The following SEMA3E variants were observed in gnomAD, a reference collection of about 807,000 sequenced individuals.
The protein encoded by SEMA3E is semaphorin 3E, also known as semaphorin-3E.
Under a neutral mutation model 93.6 loss-of-function variants are expected in SEMA3E, and 49 were observed. The ratio of observed to expected loss-of-function variants is 0.52; its 90% CI spans 0.42 to 0.66. The LOEUF (loss-of-function observed/expected upper bound fraction) is 0.66. SEMA3E is among the 30% of genes least tolerant of loss of function. SEMA3E has a pLI of 0.00. For synonymous variants in SEMA3E, 363 were observed against 330.7 expected (o/e 1.10, Z -1.06); for missense variants, 906 against 964.8 (o/e 0.94, Z 0.81).
At chr7:83,395,633 A>G (rs1788104796) in intron 12 of SEMA3E, among the ~76,000 whole-genome samples, 1 of 152,076 alleles carries the variant, frequency 6.6e-6, no homozygotes, top group African/African-American at 2.4e-5. Context: ...TTTTTCATGG[A>G]CTATGTAGTG....
At chr7:83,401,815 T>C (rs1206999007) in intron 10 of SEMA3E, among the ~76,000 whole-genome samples, 1 of 152,056 alleles carries the variant, frequency 6.6e-6, no homozygotes, top group Non-Finnish European at 1.5e-5. Flanking sequence ...AAAGTATAGA[T>C]GTTGACTTGT....
chr7:83,379,630 A>T (rs1787739340), intron 16 of SEMA3E, among the ~76,000 whole-genome samples: 1 of 151,748 alleles, frequency 6.6e-6, no homozygotes, highest in African/African-American at 2.4e-5. Context: ...ATCACTCTCT[A>T]AGGTAAGCTA....
At chr7:83,385,806 A>T (rs1323922886) in intron 15 of SEMA3E, among the ~76,000 whole-genome samples, 1 of 152,184 alleles carries the variant, frequency 6.6e-6, no homozygotes, top group Admixed American at 6.6e-5. Flanking sequence ...ACAAAAGCAG[A>T]CACCAGAAAT....
chr7:83,452,151 G>A (rs1386136912), intron 4 of SEMA3E, among the ~76,000 whole-genome samples: 1 of 151,710 alleles, frequency 6.6e-6, no homozygotes, highest in Non-Finnish European at 1.5e-5. Context: ...GTGTGTGTCT[G>A]TGTGTGTGTG....
chr7:83,580,730 C>T (rs1023621147), intron 1 of SEMA3E, among the ~76,000 whole-genome samples: 9 of 151,804 alleles, frequency 5.9e-5, no homozygotes, highest in African/African-American at 1.2e-4. Context: ...GCCATTGAAC[C>T]GTAACTGTCA....
intron 2 of SEMA3E, among the ~76,000 whole-genome samples, chr7:83,476,736 T>C (rs1233270277): frequency 1.3e-5 from 2 of 152,186 alleles, no homozygotes; most frequent in African/African-American, 4.8e-5. Context: ...GCCTTTTGGT[T>C]CTGCTCCAGA....
rs186951076 is a variant in SEMA3E, at chr7:83,477,393, A to G, written c.277-8091T>C. Among the ~76,000 whole-genome samples, 218 of 152,220 alleles carry G rather than the reference A, an allele frequency of 1.4e-3. 3 individuals are homozygous for G. The highest frequency in any genetic ancestry group is 2.4e-3 in the Non-Finnish European group (163 of 67,970). On this transcript the variant is annotated intron_variant, in intron 2 of 16. Transcript: ENST00000643230. ...TGTACATCTTAATTATAGATCCTAT[A>G]AATATTATTAAAAACAAGAAAATAT... is the stretch of plus-strand genomic sequence containing the variant.
chr7:83,365,913 T>G lies in SEMA3E; in HGVS notation c.*1673A>C, dbSNP rs1794659941. The G allele has an allele frequency of 6.6e-6, 1 of 152,156 alleles. No homozygotes were observed. 9.4% of individuals were successfully genotyped at this position (152,156 alleles called of 1,614,324 possible). On this transcript the variant is annotated 3_prime_UTR_variant, in exon 17 of 17. Transcript: ENST00000643230. ...TTTAAAAATACATTTCACTACATAG[T>G]CTTTTCAGTTATTATTTAATGGCAG... is the stretch of plus-strand genomic sequence containing the variant.
At chr7:83,486,191 G>A (rs1200328592) in intron 2 of SEMA3E, among the ~76,000 whole-genome samples, 2 of 152,036 alleles carry the variant, frequency 1.3e-5, no homozygotes, top group Admixed American at 1.3e-4. Flanking sequence ...TTCATTTAGA[G>A]GGTCTGAATC....
chr7:83,467,493 A>C (rs1020450886), intron 3 of SEMA3E, among the ~76,000 whole-genome samples: 16 of 152,228 alleles, frequency 1.1e-4, no homozygotes, highest in African/African-American at 3.6e-4. Flanking sequence ...TGATAAGATT[A>C]CTATATTGCT....
intron 1 of SEMA3E, among the ~76,000 whole-genome samples, chr7:83,632,017 T>A (rs1362021105): frequency 6.6e-6 from 1 of 152,014 alleles, no homozygotes. Flanking sequence ...TAGCCGGGCA[T>A]GGTGGTACGT....
At chr7:83,467,041 T>C (rs922676181) in intron 3 of SEMA3E, among the ~76,000 whole-genome samples, 4 of 148,172 alleles carry the variant, frequency 2.7e-5, no homozygotes, top group Non-Finnish European at 5.9e-5. Flanking sequence ...TAGTTATTCA[T>C]ATGGAAATAT....
intron 1 of SEMA3E, among the ~76,000 whole-genome samples, chr7:83,585,622 A>G (rs895375707): frequency 2.0e-5 from 3 of 152,192 alleles, no homozygotes; most frequent in African/African-American, 7.2e-5. Flanking sequence ...TTCTCTTAAC[A>G]ATTTATATAC....
intron 1 of SEMA3E, among the ~76,000 whole-genome samples, chr7:83,547,738 A>G (rs1791680780): frequency 6.6e-6 from 1 of 152,120 alleles, no homozygotes; most frequent in South Asian, 2.1e-4. Flanking sequence ...GTTTGTCTAA[A>G]GCAAACACAG....
chr7:83,632,022 GTA>G (rs1793795191), intron 1 of SEMA3E, among the ~76,000 whole-genome samples: 1 of 152,000 alleles, frequency 6.6e-6, no homozygotes, highest in African/African-American at 2.4e-5. Flanking sequence ...GGGCATGGTG[GTA>G]CGTGCCTGTA....
Position 83,367,498 on chromosome 7 carries a change from T to C in SEMA3E, c.*88A>G. On this transcript the variant is annotated 3_prime_UTR_variant, in exon 17 of 17. Coordinates refer to ENST00000643230, the MANE Select transcript of SEMA3E (RefSeq NM_012431.3). ...CTGTATTACAGAAATCTCTTTTAAG[T>C]AATGCAAAGAAGTTGGATGATTTAT... 1 of 1,310,458 alleles carries C rather than the reference T, an allele frequency of 7.6e-7. No homozygotes were observed. Among genetic ancestry groups the C allele is most frequent in the Non-Finnish European group, 1.1e-6 (1 of 905,002 alleles). 81.2% of individuals were successfully genotyped at this position (1,310,458 alleles called of 1,614,324 possible). A position where few individuals can be genotyped will look rare whatever the true frequency, so the allele number is the denominator to read the frequency against.
intron 1 of SEMA3E, among the ~76,000 whole-genome samples, chr7:83,645,904 T>C (rs1342678693): frequency 6.6e-6 from 1 of 152,054 alleles, no homozygotes; most frequent in Non-Finnish European, 1.5e-5. Flanking sequence ...ATAATTTAAC[T>C]CACGCTCTGT....
chr7:83,555,527 T>C (rs1250162267), intron 1 of SEMA3E, among the ~76,000 whole-genome samples: 2 of 152,244 alleles, frequency 1.3e-5, no homozygotes, highest in African/African-American at 4.8e-5. Context: ...TCTACGACTT[T>C]CTCCCACTAG....
At chr7:83,530,544 CTACGTG>C (rs1312482457) in intron 1 of SEMA3E, among the ~76,000 whole-genome samples, 4 of 152,080 alleles carry the variant, frequency 2.6e-5, no homozygotes, top group African/African-American at 9.7e-5. Context: ...TTTATTCATT[CTACGTG>C]AAACAATTTC....
Sources: gnomAD v4.1 joint callset for allele counts (sites outside exome capture counted in the v4.1 genomes callset) on GRCh38, gnomAD v4.1.1 for gene constraint, MANE v1.5 for transcripts, NCBI Gene and HGNC (gene_info 2026-07-23, HGNC 2026-07-21) for gene names.